Variants in CNTNAP2 observed in about 807,000 individuals in gnomAD.
CNTNAP2 encodes the protein contactin-associated protein-like 2.
In CNTNAP2, 98 loss-of-function variants were observed where a neutral mutation model predicts 155.2. The ratio of observed to expected loss-of-function variants is 0.63; its 90% CI spans 0.54 to 0.75. The LOEUF (loss-of-function observed/expected upper bound fraction) is 0.75. Among genes scored for constraint, CNTNAP2 ranks in the 30% least tolerant of loss-of-function variants. The pLI, the probability that CNTNAP2 is intolerant of heterozygous loss-of-function variation, is 0.00. For missense variants in CNTNAP2, 1,727 were observed against 1,688.1 expected (o/e 1.02, Z -0.40); for synonymous variants, 651 against 631.2 (o/e 1.03, Z -0.47).
At chr7:146,637,357 AT>A (rs2129160212) in intron 1 of CNTNAP2, among the ~76,000 whole-genome samples, 1 of 152,314 alleles carries the variant, frequency 6.6e-6, no homozygotes, top group South Asian at 2.1e-4. Context: ...TTATACATTG[AT>A]TGACAAGATA....
intron 1 of CNTNAP2, among the ~76,000 whole-genome samples, chr7:146,191,820 G>C (rs1584795303): frequency 6.6e-6 from 1 of 152,130 alleles, no homozygotes; most frequent in Non-Finnish European, 1.5e-5. Context: ...GAACATTGCT[G>C]TTACCCTGTT....
At chr7:146,963,737 T>A (rs1456885165) in intron 3 of CNTNAP2, among the ~76,000 whole-genome samples, 1 of 152,244 alleles carries the variant, frequency 6.6e-6, no homozygotes, top group Non-Finnish European at 1.5e-5. Flanking sequence ...TATTTAGATT[T>A]ATAAAAATTG....
At chr7:146,129,879 G>A (rs1353682082) in intron 1 of CNTNAP2, among the ~76,000 whole-genome samples, 1 of 152,024 alleles carries the variant, frequency 6.6e-6, no homozygotes, top group Non-Finnish European at 1.5e-5. Flanking sequence ...TAGTCCACAG[G>A]TAAGGTCATC....
chr7:146,937,355 A>AAAT (rs901736956), intron 3 of CNTNAP2, among the ~76,000 whole-genome samples: 2 of 140,558 alleles, frequency 1.4e-5, no homozygotes. Context: ...TTGTCTCAAA[A>AAAT]AAAAAAATAA....
intron 1 of CNTNAP2, among the ~76,000 whole-genome samples, chr7:146,591,433 A>G (rs1207552179): frequency 9.5e-5 from 1 of 10,520 alleles, no homozygotes; most frequent in African/African-American, 7.0e-4. Flanking sequence ...AATGTAAAAT[A>G]ATTGAGAAAA....
intron 13 of CNTNAP2, among the ~76,000 whole-genome samples, chr7:147,792,889 C>G (rs1027702963): frequency 1.4e-4 from 21 of 152,060 alleles, no homozygotes. Flanking sequence ...TTTATTATGG[C>G]CATCCTACTC....
intron 1 of CNTNAP2, among the ~76,000 whole-genome samples, chr7:146,725,734 G>A (rs1801420001): frequency 6.6e-6 from 1 of 152,000 alleles, no homozygotes; most frequent in Non-Finnish European, 1.5e-5. Context: ...AATCACTCCA[G>A]TGACCCCACC....
intron 17 of CNTNAP2, among the ~76,000 whole-genome samples, chr7:148,148,590 T>G (rs1365329855): frequency 1.3e-5 from 2 of 152,258 alleles, no homozygotes; most frequent in Non-Finnish European, 2.9e-5. Context: ...ACTTGGTTGC[T>G]GTTCATATTC....
At chr7:146,720,980 A>C (rs967105982) in intron 1 of CNTNAP2, among the ~76,000 whole-genome samples, 9 of 121,060 alleles carry the variant, frequency 7.4e-5, no homozygotes, top group African/African-American at 2.2e-4. Flanking sequence ...TATATAGACT[A>C]TATATACTGT....
intron 12 of CNTNAP2, among the ~76,000 whole-genome samples, chr7:147,565,835 G>C (rs1309166361): frequency 1.3e-5 from 2 of 152,130 alleles, no homozygotes; most frequent in African/African-American, 4.8e-5. Flanking sequence ...CATCTAAACT[G>C]AGATGCAAAT....
chr7:146,988,248 T>C (rs1798149430), intron 3 of CNTNAP2, among the ~76,000 whole-genome samples: 1 of 152,154 alleles, frequency 6.6e-6, no homozygotes, highest in African/African-American at 2.4e-5. Flanking sequence ...ATAACATTTT[T>C]GAATTCTAGA....
chr7:147,508,451 C>CA (rs1309928380), intron 11 of CNTNAP2, among the ~76,000 whole-genome samples: 4 of 152,224 alleles, frequency 2.6e-5, no homozygotes, highest in African/African-American at 9.6e-5. Context: ...TACTTCAACA[C>CA]AGATACTCCC....
intron 11 of CNTNAP2, 152 bp downstream of exon 11, chr7:147,486,193 A>T (rs952044587): frequency 3.3e-5 from 21 of 638,258 alleles, no homozygotes; most frequent in Admixed American, 8.8e-5. Context: ...CTCCAAAAAA[A>T]AAAAAATAAA....
At chr7:146,194,001 G>A (rs945563553) in intron 1 of CNTNAP2, among the ~76,000 whole-genome samples, 5 of 152,176 alleles carry the variant, frequency 3.3e-5, no homozygotes, top group African/African-American at 1.2e-4. Flanking sequence ...TTCCCAAGAA[G>A]TTCCTCATCT....
chr7:147,041,251 CT>C (rs771854590), intron 3 of CNTNAP2, among the ~76,000 whole-genome samples: 2 of 152,096 alleles, frequency 1.3e-5, no homozygotes, highest in African/African-American at 2.4e-5. Flanking sequence ...ATTCCTATTC[CT>C]TGTGTATTCC....
chr7:146,555,628 T>C (rs1344726682), intron 1 of CNTNAP2, among the ~76,000 whole-genome samples: 1 of 152,144 alleles, frequency 6.6e-6, no homozygotes, highest in East Asian at 1.9e-4. Flanking sequence ...CACTTATATA[T>C]GTAAACATTT....
At chr7:147,849,189 A>G (rs1288152823) in intron 13 of CNTNAP2, among the ~76,000 whole-genome samples, 1 of 152,230 alleles carries the variant, frequency 6.6e-6, no homozygotes, top group Non-Finnish European at 1.5e-5. Context: ...TAATATAGTA[A>G]TATCATTATG....
chr7:146,651,042 A>C (rs139644732), intron 1 of CNTNAP2, among the ~76,000 whole-genome samples: 8 of 152,020 alleles, frequency 5.3e-5, no homozygotes, highest in Admixed American at 5.3e-4. Context: ...TTAAAGAACA[A>C]CTAGATTCTC....
intron 1 of CNTNAP2, among the ~76,000 whole-genome samples, chr7:146,141,299 C>A (rs1273470139): frequency 6.6e-6 from 1 of 152,102 alleles, no homozygotes; most frequent in Non-Finnish European, 1.5e-5. Context: ...TGTGGTGGTG[C>A]TTGAATGTTT....
Sources: allele counts gnomAD v4.1 joint callset (sites outside exome capture counted in the v4.1 genomes callset), GRCh38; gene constraint gnomAD v4.1.1; transcripts MANE v1.5; gene names NCBI Gene and HGNC (gene_info 2026-07-23, HGNC 2026-07-21).